SCARF1: variants seen among roughly 807,000 people sequenced by gnomAD.
The protein encoded by SCARF1 is acetyl LDL receptor.
A neutral mutation model predicts 76.3 loss-of-function variants in SCARF1; 49 were observed. That is an observed-to-expected ratio of 0.64 (90% CI 0.51 to 0.81). SCARF1 has a LOEUF of 0.81. Among genes scored for constraint, SCARF1 ranks in the 40% least tolerant of loss-of-function variants. The pLI, the probability that SCARF1 is intolerant of heterozygous loss-of-function variation, is 0.00. For missense variants in SCARF1, 1,098 were observed against 1,143.9 expected (o/e 0.96, Z 0.58); for synonymous variants, 495 against 474.6 (o/e 1.04, Z -0.56).
At chr17:1,642,308 A>G (rs1193697444) in intron 4 of SCARF1, among the ~76,000 whole-genome samples, 4 of 150,854 alleles carry the variant, frequency 2.7e-5, no homozygotes, top group Admixed American at 2.0e-4. Context: ...AGCATTAAGT[A>G]TATCTGCCAA....
At position 1,643,768 on chromosome 17, in the gene SCARF1, C is replaced by A; in HGVS notation, c.465G>T (p.Trp155Cys). Reference sequence around the variant, plus strand: ...GGCACGGGCGGCGGCACGTGGACGACCACCAGCCGGGTTCGCAGTGGCACA... The same window carrying A: ...GGCACGGGCGGCGGCACGTGGACGAACACCAGCCGGGTTCGCAGTGGCACA... ...TGVCHCEPGW[W>C]SSTCRRPCQC... Residue 155 changes from tryptophan (W) to cysteine (C), a missense_variant, in exon 4 of 11, where the codon TGG (tryptophan) becomes TGT (cysteine). Physicochemically the swap from Trp to Cys is radical, Grantham distance 215 (BLOSUM62 -2). Coordinates refer to ENST00000263071, the MANE Select transcript of SCARF1 (RefSeq NM_003693.4). The A allele has an allele frequency of 7.8e-7, 1 of 1,280,800 alleles. No individual in the cohort carries two copies. Among genetic ancestry groups the A allele is most frequent in the Non-Finnish European group, 9.8e-7 (1 of 1,017,812 alleles). 79.3% of individuals were successfully genotyped at this position (1,280,800 alleles called of 1,614,324 possible).
intron 8 of SCARF1, among the ~76,000 whole-genome samples, chr17:1,637,310 G>A (rs968839074): frequency 3.3e-5 from 5 of 151,686 alleles, no homozygotes; most frequent in African/African-American, 9.7e-5. Context: ...CTCAGTTTCC[G>A]CATCTGTAAA....
Position 1,644,002 on chromosome 17 carries a change from C to T in SCARF1, c.266-35G>A. Reference sequence around the variant, plus strand: ...TGGGGACGGGAGGGGTCAGCGGGCTCAGGGCCGCGCGCAGACCCTTACCCT... The same window carrying T: ...TGGGGACGGGAGGGGTCAGCGGGCTTAGGGCCGCGCGCAGACCCTTACCCT... On this transcript the variant is annotated intron_variant, in intron 3 of 10. Transcript: ENST00000263071. The surrounding 1 kb of genome is among the most constrained non-coding windows in gnomAD (Gnocchi z 4.8). 7.7e-7 allele frequency: 1 copy of T among 1,299,318 alleles called. No homozygotes were observed. Among genetic ancestry groups the T allele is most frequent in the Non-Finnish European group, 9.8e-7 (1 of 1,023,724 alleles). 80.5% of individuals were successfully genotyped at this position (1,299,318 alleles called of 1,614,324 possible). A position where few individuals can be genotyped will look rare whatever the true frequency, so the allele number is the denominator to read the frequency against.
At chr17:1,637,635 G>C (rs570752516) in intron 8 of SCARF1, among the ~76,000 whole-genome samples, 1 of 152,216 alleles carries the variant, frequency 6.6e-6, no homozygotes, top group South Asian at 2.1e-4. Flanking sequence ...ACCACACCCG[G>C]CTAATTTTGT....
intron 8 of SCARF1, 135 bp from the exon 9 acceptor site, chr17:1,637,197 C>T (rs1909645664): frequency 2.1e-6 from 2 of 949,498 alleles, no homozygotes; most frequent in African/African-American, 1.6e-5. Context: ...AGAATAAAAT[C>T]CAAATGATTG....
At chr17:1,639,573 C>G in intron 7 of SCARF1, 66 bp downstream of exon 7, 1 of 1,144,428 alleles carries the variant, frequency 8.7e-7, no homozygotes, top group East Asian at 2.6e-5. Flanking sequence ...GGAACTTGCC[C>G]TGGAGCCCAT....
Position 1,645,515 on chromosome 17 carries a change from T to C in SCARF1, c.101+82A>G, listed in dbSNP as rs1363901148. On this transcript the variant is annotated intron_variant, in intron 1 of 10. Coordinates refer to ENST00000263071, the MANE Select transcript of SCARF1 (RefSeq NM_003693.4). The surrounding 1 kb of genome is among the most constrained non-coding windows in gnomAD (Gnocchi z 6.3). The stretch of plus-strand genomic sequence containing the variant: ...TAGTCTCCTCCTTCCCCTAACGGCC[T>C]CAACACCGGTTCAGCCACCCGCATC... 8 of 1,546,078 alleles carry C rather than the reference T, an allele frequency of 5.2e-6. No individual in the cohort carries two copies. The highest frequency in any genetic ancestry group is 6.1e-6 in the Non-Finnish European group (7 of 1,152,578).
rs569609745 is a variant in SCARF1 at position 1,634,666 on chromosome 17, C to T, written c.*92G>A. ...CCTTTTCCCTGTGGAGGCGCAGAGG[C>T]TCTGGTTTGTCTGTCCTGGCCCCGG... is the stretch of plus-strand genomic sequence containing the variant. On this transcript the variant is annotated 3_prime_UTR_variant, in exon 11 of 11. Transcript: ENST00000263071. The T allele has an allele frequency of 4.1e-6, 6 of 1,471,298 alleles. No individual in the cohort carries two copies. In the African/African-American group the frequency reaches 5.7e-5, roughly 14 times the overall value. The allele number at this position is 1,471,298 out of a possible 1,614,324, so 91.1% of individuals were successfully genotyped here.
At chr17:1,639,839 GTTCAGGAAA>G (rs1166691071) in intron 6 of SCARF1, 64 bp downstream of exon 6, 8 of 1,609,222 alleles carry the variant, frequency 5.0e-6, no homozygotes, top group Non-Finnish European at 6.8e-6. Flanking sequence ...GTCCAGGGAA[GTTCAGGAAA>G]TGCTGCACAG....
At chr17:1,639,514 A>C in intron 7 of SCARF1, 125 bp downstream of exon 7, 2 of 612,494 alleles carry the variant, frequency 3.3e-6, no homozygotes, top group Non-Finnish European at 5.5e-6. Flanking sequence ...TAAGGGAAAA[A>C]AAAAAAAAAA....
Position 1,634,572 on chromosome 17 carries a change from T to C in SCARF1, c.*186A>G. The C allele has an allele frequency of 1.5e-6, 1 of 686,744 alleles. No homozygotes were observed. Among genetic ancestry groups the C allele is most frequent in the Non-Finnish European group, 2.3e-6 (1 of 435,724 alleles). 42.5% of individuals were successfully genotyped at this position (686,744 alleles called of 1,614,324 possible). A position where few individuals can be genotyped will look rare whatever the true frequency, so the allele number is the denominator to read the frequency against. On this transcript the variant is annotated 3_prime_UTR_variant, in exon 11 of 11. Coordinates refer to ENST00000263071, the MANE Select transcript of SCARF1 (RefSeq NM_003693.4). The stretch of plus-strand genomic sequence containing the variant: ...TCCTGACCCCATCCTACAGGGTCTC[T>C]GCCCAGGCCTTCCTGGGCCCCTCCG...
Position 1,644,695 on chromosome 17 carries a change from C to T in SCARF1, c.265+139G>A, listed in dbSNP as rs550230056. On this transcript the variant is annotated intron_variant, in intron 3 of 10. Coordinates refer to ENST00000263071, the MANE Select transcript of SCARF1 (RefSeq NM_003693.4). The surrounding 1 kb of genome is among the most constrained non-coding windows in gnomAD (Gnocchi z 4.8). ...GTGTGTGTCACTTCCTGTCTCTGGA[C>T]CGCAATTCCTCAGTGAAGCTGGGGG... 25 of 800,320 alleles carry T rather than the reference C, an allele frequency of 3.1e-5. No individual in the cohort carries two copies. Among genetic ancestry groups the T allele is most frequent in the South Asian group, 2.5e-4 (15 of 61,194 alleles). The allele number at this position is 800,320 out of a possible 1,614,324, so 49.6% of individuals were successfully genotyped here.
rs1426223596 is a variant in SCARF1 at position 1,644,549 on chromosome 17, C to A, written c.265+285G>T. The A allele has an allele frequency of 1.0e-5, 6 of 575,926 alleles. No individual in the cohort carries two copies. The highest frequency in any genetic ancestry group is 1.2e-5 in the Non-Finnish European group (4 of 321,770). 35.7% of individuals were successfully genotyped at this position (575,926 alleles called of 1,614,324 possible). A position where few individuals can be genotyped will look rare whatever the true frequency, so the allele number is the denominator to read the frequency against. On this transcript the variant is annotated intron_variant, in intron 3 of 10. Transcript: ENST00000263071. This position sits in a 1 kb window ranked among gnomAD's most constrained non-coding sequence, Gnocchi z 4.8. ...GTATATGTGGGAAAGGCAAGTAATACACTCATTTTACAATGAAGGGGAATC... is the reference window on the plus strand; with the variant it reads ...GTATATGTGGGAAAGGCAAGTAATAAACTCATTTTACAATGAAGGGGAATC...
In SCARF1 at chr17:1,637,057, G is replaced by A. The variant is rs764670374; in HGVS notation, c.1370C>T (p.Ala457Val). The A allele has an allele frequency of 1.7e-5, 27 of 1,613,722 alleles. No individual in the cohort carries two copies. The highest frequency in any genetic ancestry group is 1.6e-4 in the East Asian group (7 of 44,880). ...APRSDLKDRPARDGATVSRMK... is the reference protein window; with the variant it reads ...APRSDLKDRPVRDGATVSRMK... The stretch of plus-strand genomic sequence containing the variant: ...CCTGGACACGGTAGCTCCATCTCTC[G>A]CTGGCCTGAGGGAGGAGGGTAGGGA... Residue 457 changes from alanine (A) to valine (V), a missense_variant, in exon 9 of 11, where the codon GCG (alanine) becomes GTG (valine). By Grantham distance (64) the Ala-to-Val change is moderately conservative (BLOSUM62 0). Coordinates refer to ENST00000263071, the MANE Select transcript of SCARF1 (RefSeq NM_003693.4).
Position 1,636,775 on chromosome 17 carries a change from A to G in SCARF1, c.1567T>C (p.Phe523Leu). 5.0e-6 allele frequency: 8 copies of G among 1,614,050 alleles called. No homozygotes were observed. Among genetic ancestry groups the G allele is most frequent in the Non-Finnish European group, 6.8e-6 (8 of 1,180,000 alleles). The change falls in exon 10 of 11, where the codon TTC (phenylalanine) becomes CTC (leucine). Residue 523 changes from phenylalanine (F) to leucine (L), a missense_variant. Coordinates refer to ENST00000263071, the MANE Select transcript of SCARF1 (RefSeq NM_003693.4). ...TCTCCAGACTCAGGATCGGATGAGA[A>G]GGAGTCATCAGTGGCCCAGCCGGCA... is the stretch of plus-strand genomic sequence containing the variant. ...PSAGWATDDSFSSDPESGEAD... is the reference protein window; with the variant it reads ...PSAGWATDDSLSSDPESGEAD...
chr17:1,639,577 A>G (rs563909632), intron 7 of SCARF1, 62 bp downstream of exon 7: 1 of 1,149,322 alleles, frequency 8.7e-7, no homozygotes, highest in East Asian at 2.6e-5. Context: ...CTTGCCCTGG[A>G]GCCCATGTGA....
At chr17:1,639,575 G>A in intron 7 of SCARF1, 64 bp downstream of exon 7, 2 of 1,146,704 alleles carry the variant, frequency 1.7e-6, no homozygotes, top group Non-Finnish European at 2.6e-6. Flanking sequence ...AACTTGCCCT[G>A]GAGCCCATGT....
At position 1,640,184 on chromosome 17, in the gene SCARF1, C is replaced by T. The variant is rs1414703218; in HGVS notation, c.1011-144G>A. On this transcript the variant is annotated intron_variant, in intron 5 of 10. Coordinates refer to ENST00000263071, the MANE Select transcript of SCARF1 (RefSeq NM_003693.4). This position sits in a 1 kb window ranked among gnomAD's most constrained non-coding sequence, Gnocchi z 4.7. ...AGTGAAGCTCAGGTGCAAATAGGGC[C>T]TTGAACTTGGGGCCAAATCCAGCAG... is the stretch of plus-strand genomic sequence containing the variant. 37 of 1,021,814 alleles carry T rather than the reference C, an allele frequency of 3.6e-5. No individual in the cohort carries two copies. The highest frequency in any genetic ancestry group is 5.2e-5 in the Non-Finnish European group (37 of 713,756). The allele number at this position is 1,021,814 out of a possible 1,614,324, so 63.3% of individuals were successfully genotyped here.
At chr17:1,638,954 C>G in intron 7 of SCARF1, 28 bp from the exon 8 acceptor site, 1 of 1,562,768 alleles carries the variant, frequency 6.4e-7, no homozygotes, top group Non-Finnish European at 8.7e-7. Context: ...GGGGGATATT[C>G]AGGCCTTCCT....
Sources: allele counts gnomAD v4.1 joint callset (sites outside exome capture counted in the v4.1 genomes callset), GRCh38; gene constraint gnomAD v4.1.1; non-coding constraint Gnocchi (gnomAD v3.1); transcripts MANE v1.5; gene names NCBI Gene and HGNC (gene_info 2026-07-23, HGNC 2026-07-21).